The following SELENOF variants were observed in gnomAD, a reference collection of about 807,000 sequenced individuals.
The protein encoded by SELENOF is 15 kDa selenoprotein.
In SELENOF, 16 loss-of-function variants were observed where a neutral mutation model predicts 20.5. The observed-to-expected ratio is 0.78, with a 90% CI of 0.53 to 1.19. The LOEUF (loss-of-function observed/expected upper bound fraction) is 1.19, where lower values mean the gene tolerates loss of function less well. SELENOF is among the 50% of genes most tolerant of loss of function. The pLI is 0.00. For synonymous variants in SELENOF, 78 were observed against 74.5 expected, an observed-to-expected ratio of 1.05 and a Z score of -0.24; for missense variants, 215 against 194.2, an observed-to-expected ratio of 1.11 and a Z score of -0.64.
chr1:86,900,974 C>T (rs962253639), intron 2 of SELENOF, among the ~76,000 whole-genome samples: 1 of 152,154 alleles, frequency 6.6e-6, no homozygotes, highest in Non-Finnish European at 1.5e-5. Flanking sequence ...CTCACTGCAA[C>T]CTCTGCCTCC....
At chr1:86,909,011 G>C (rs1659905180) in intron 1 of SELENOF, among the ~76,000 whole-genome samples, 1 of 152,160 alleles carries the variant, frequency 6.6e-6, no homozygotes, top group Non-Finnish European at 1.5e-5. Context: ...AACTCAACTT[G>C]TCAAGTATAA....
intron 3 of SELENOF, among the ~76,000 whole-genome samples, chr1:86,877,648 T>C (rs1216808282): frequency 6.6e-6 from 1 of 152,226 alleles, no homozygotes; most frequent in African/African-American, 2.4e-5. Flanking sequence ...ATTATGAGGA[T>C]GCTCAATTTG....
intron 4 of SELENOF, among the ~76,000 whole-genome samples, chr1:86,864,856 A>G (rs1016604537): frequency 8.6e-5 from 13 of 151,730 alleles, no homozygotes; most frequent in African/African-American, 2.9e-4. Context: ...TTGGTCTCGA[A>G]CTCCTGACCT....
At chr1:86,914,352 C>T, upstream of SELENOF, 2 of 558,234 alleles carry the variant, frequency 3.6e-6, no homozygotes, top group East Asian at 6.0e-5. Flanking sequence ...GGTCTCCTTT[C>T]TTTTATTCAC....
chr1:86,875,440 T>C (rs1658901359), intron 3 of SELENOF, among the ~76,000 whole-genome samples: 1 of 152,126 alleles, frequency 6.6e-6, no homozygotes, highest in South Asian at 2.1e-4. Context: ...ATGAGAACTT[T>C]TTATAAACGT....
At position 86,887,836 on chromosome 1, in the gene SELENOF, C is replaced by T. The variant is rs375677037; in HGVS notation, c.253-7111G>A. On this transcript the variant is annotated intron_variant, in intron 2 of 4. Transcript: ENST00000331835. ...ACAAGTATGAATGATCCAGGGTCAT[C>T]ACTTGGGAACAGTGCATTCAGTTCT... Among the ~76,000 whole-genome samples, 4 of 152,148 alleles carry T rather than the reference C, an allele frequency of 2.6e-5. No homozygotes were observed. In the South Asian group the frequency reaches 8.3e-4, roughly 32 times the overall value.
intron 2 of SELENOF, among the ~76,000 whole-genome samples, chr1:86,896,864 A>C (rs899379794): frequency 1.3e-5 from 2 of 152,252 alleles, no homozygotes; most frequent in Non-Finnish European, 2.9e-5. Context: ...TTTATCAAGT[A>C]GCTATGAAGT....
chr1:86,903,872 G>A (rs1256957944), intron 1 of SELENOF, among the ~76,000 whole-genome samples: 2 of 152,112 alleles, frequency 1.3e-5, no homozygotes, highest in African/African-American at 2.4e-5. Context: ...GAGCCACCTC[G>A]CCCAGCAATA....
At chr1:86,890,217 C>T (rs905748403) in intron 2 of SELENOF, among the ~76,000 whole-genome samples, 5 of 152,062 alleles carry the variant, frequency 3.3e-5, no homozygotes, top group Admixed American at 6.6e-5. Flanking sequence ...TTTCCTTTTG[C>T]GAGAGAAAAG....
chr1:86,867,726 A>G (rs1002400397), intron 4 of SELENOF, among the ~76,000 whole-genome samples: 1 of 150,276 alleles, frequency 6.7e-6, no homozygotes, highest in Non-Finnish European at 1.5e-5. Flanking sequence ...TTTAATTAAT[A>G]TATCAATATT....
At position 86,899,634 on chromosome 1, in the gene SELENOF, G is replaced by A. The variant is rs547119471; in HGVS notation, c.252+3647C>T. Among the ~76,000 whole-genome samples, 646 of 150,772 alleles carry A rather than the reference G, an allele frequency of 4.3e-3. 1 individual carries two copies. Among genetic ancestry groups the A allele is most frequent in the Non-Finnish European group, 6.2e-3 (416 of 67,506 alleles). Reference sequence around the variant, plus strand: ...TCCCAGACGGGGCGGCTGGCCTGGCGGGGGGCTGACCCCCCCATCTCCCTC... The same window carrying A: ...TCCCAGACGGGGCGGCTGGCCTGGCAGGGGGCTGACCCCCCCATCTCCCTC... On this transcript the variant is annotated intron_variant, in intron 2 of 4. Transcript: ENST00000331835.
At chr1:86,897,057 G>A (rs536922819) in intron 2 of SELENOF, among the ~76,000 whole-genome samples, 1 of 152,144 alleles carries the variant, frequency 6.6e-6, no homozygotes, top group Non-Finnish European at 1.5e-5. Context: ...TGTAATTCTA[G>A]CACTTTGGGA....
rs1244347766 is a variant in SELENOF, at chr1:86,862,614, A to G, written c.*860T>C. On this transcript the variant is annotated 3_prime_UTR_variant, in exon 5 of 5. Coordinates refer to ENST00000331835, the MANE Select transcript of SELENOF (RefSeq NM_004261.5). The stretch of plus-strand genomic sequence containing the variant: ...AGATGTTATAAGTTTTAAATATTAC[A>G]GCCATTTTTACATTTTGGCTAAAAA... 1 of 152,210 alleles carries G rather than the reference A, an allele frequency of 6.6e-6. No homozygotes were observed. Among genetic ancestry groups the G allele is most frequent in the Non-Finnish European group, 1.5e-5 (1 of 68,042 alleles). The allele number at this position is 152,210 out of a possible 1,614,324, so 9.4% of individuals were successfully genotyped here. A position where few individuals can be genotyped will look rare whatever the true frequency, so the allele number is the denominator to read the frequency against.
At chr1:86,873,579 G>A (rs377115198) in intron 3 of SELENOF, among the ~76,000 whole-genome samples, 4 of 152,090 alleles carry the variant, frequency 2.6e-5, no homozygotes, top group East Asian at 1.9e-4. Flanking sequence ...GGCTGGGCAC[G>A]GTGGCTCATG....
chr1:86,914,319 A>T, upstream of SELENOF: 1 of 588,588 alleles, frequency 1.7e-6, no homozygotes, highest in South Asian at 2.0e-5. Flanking sequence ...ACTTGCCTAA[A>T]CTCCCCACTT....
upstream of SELENOF, chr1:86,914,463 T>C (rs376166408): frequency 2.4e-4 from 81 of 339,926 alleles, no homozygotes; most frequent in South Asian, 3.9e-4. Context: ...TTGAGCTCTG[T>C]GGCAGAGGAA....
At chr1:86,866,228 C>CTGTGTGTGTG (rs1382340517) in intron 4 of SELENOF, among the ~76,000 whole-genome samples, 8 of 52,390 alleles carry the variant, frequency 1.5e-4, no homozygotes, top group African/African-American at 4.5e-4. Context: ...AAGTGTGTGT[C>CTGTGTGTGTG]TCTGTGTGTG....
At chr1:86,891,240 G>A (rs2016697) in intron 2 of SELENOF, among the ~76,000 whole-genome samples, 14,094 of 151,650 alleles carry the variant, frequency 0.093, 759 homozygotes, top group Non-Finnish European at 0.12. Flanking sequence ...GTAGAGATGG[G>A]GTTTCTCCAT....
At chr1:86,896,367 C>G (rs1289214143) in intron 2 of SELENOF, among the ~76,000 whole-genome samples, 2 of 152,064 alleles carry the variant, frequency 1.3e-5, no homozygotes, top group African/African-American at 4.8e-5. Context: ...TGAAAAAAAG[C>G]ATCCAGCAGC....
Sources: allele counts gnomAD v4.1 joint callset (sites outside exome capture counted in the v4.1 genomes callset), GRCh38; gene constraint gnomAD v4.1.1; transcripts MANE v1.5; gene names NCBI Gene and HGNC (gene_info 2026-07-23, HGNC 2026-07-21).